Variants in SNX3 observed in about 807,000 individuals in gnomAD.
SNX3 encodes sorting nexin-3.
A neutral mutation model predicts 17.7 loss-of-function variants in SNX3; 5 were observed. The ratio of observed to expected loss-of-function variants is 0.28; its 90% CI spans 0.15 to 0.59. The LOEUF is 0.59. Among genes scored for constraint, SNX3 ranks in the 20% least tolerant of loss-of-function variants. The pLI is 0.88. For synonymous variants in SNX3, 91 were observed against 76.5 expected (o/e 1.19, Z -0.99); for missense variants, 132 against 206.8 (o/e 0.64, Z 2.22).
chr6:108,241,927 C>T (rs1467378954), intron 1 of SNX3, among the ~76,000 whole-genome samples: 1 of 152,048 alleles, frequency 6.6e-6, no homozygotes, highest in Non-Finnish European at 1.5e-5. Context: ...TTAAAGGAAA[C>T]CATGCTTAAA....
chr6:108,211,982 A>C lies in SNX3; in HGVS notation c.*167T>G. On this transcript the variant is annotated 3_prime_UTR_variant, in exon 4 of 4. Transcript: ENST00000230085. ...GGAATGAGGGATTTTTACTAAAGCA[A>C]ATTAACTTCTTGTCAACTGCCAAAA... is the stretch of plus-strand genomic sequence containing the variant. The C allele has an allele frequency of 3.8e-6, 2 of 532,316 alleles. No individual in the cohort carries two copies. Among genetic ancestry groups the C allele is most frequent in the Non-Finnish European group, 6.6e-6 (2 of 303,214 alleles). The allele number at this position is 532,316 out of a possible 1,614,324, so 33.0% of individuals were successfully genotyped here.
chr6:108,223,433 C>T (rs1386041740), intron 1 of SNX3, among the ~76,000 whole-genome samples: 1 of 151,034 alleles, frequency 6.6e-6, no homozygotes, highest in East Asian at 1.9e-4. Flanking sequence ...CCACGGCACC[C>T]GGCCGAAATC....
At chr6:108,252,019 T>G (rs984148933) in intron 1 of SNX3, among the ~76,000 whole-genome samples, 3 of 150,134 alleles carry the variant, frequency 2.0e-5, no homozygotes, top group African/African-American at 7.5e-5. Context: ...AAGCTGAGAC[T>G]GCACTATTGC....
At chr6:108,249,843 T>A (rs892346631) in intron 1 of SNX3, among the ~76,000 whole-genome samples, 1 of 152,230 alleles carries the variant, frequency 6.6e-6, no homozygotes, top group African/African-American at 2.4e-5. Flanking sequence ...TGCAGTGTTA[T>A]ATTTAATGAC....
intron 1 of SNX3, among the ~76,000 whole-genome samples, chr6:108,253,715 CTATGTA>C (rs1775940629): frequency 6.6e-6 from 1 of 152,120 alleles, no homozygotes; most frequent in Non-Finnish European, 1.5e-5. Flanking sequence ...CATTGTGGTT[CTATGTA>C]TATTTCTCTT....
chr6:108,245,170 C>A (rs907619661), intron 1 of SNX3, among the ~76,000 whole-genome samples: 17 of 151,900 alleles, frequency 1.1e-4, no homozygotes, highest in African/African-American at 3.9e-4. Flanking sequence ...TCCATGTGAT[C>A]TCATTGTTCA....
intron 1 of SNX3, among the ~76,000 whole-genome samples, chr6:108,260,437 G>C (rs186969981): frequency 6.6e-6 from 1 of 152,166 alleles, no homozygotes; most frequent in South Asian, 2.1e-4. Flanking sequence ...CCTTCCCAGC[G>C]AAGGGATGTG....
At chr6:108,256,630 C>T (rs954147234) in intron 1 of SNX3, among the ~76,000 whole-genome samples, 1 of 152,142 alleles carries the variant, frequency 6.6e-6, no homozygotes, top group African/African-American at 2.4e-5. Flanking sequence ...GAACTGAGGA[C>T]TATGTCAGAG....
rs572796036 is a variant in SNX3 at position 108,235,679 on chromosome 6, T to A, written c.163-12634A>T. 5.9e-5 allele frequency among the ~76,000 whole-genome samples: 9 copies of A among 152,252 alleles called. No homozygotes were observed. In the East Asian group the frequency reaches 1.7e-3, roughly 29 times the overall value. On this transcript the variant is annotated intron_variant, in intron 1 of 3. Transcript: ENST00000230085. ...GGGATGCCGAGGTGGGTGAATCACTTGAGGTCAGGAGATCACGACTAGCCT... is the reference window on the plus strand; with the variant it reads ...GGGATGCCGAGGTGGGTGAATCACTAGAGGTCAGGAGATCACGACTAGCCT...
At chr6:108,246,838 G>A (rs535432788) in intron 1 of SNX3, among the ~76,000 whole-genome samples, 5 of 152,190 alleles carry the variant, frequency 3.3e-5, no homozygotes, top group African/African-American at 1.2e-4. Context: ...CTCCCAAGTA[G>A]CTAAGACTAC....
chr6:108,254,140 AAAAC>A, intron 1 of SNX3, among the ~76,000 whole-genome samples: 1 of 151,266 alleles, frequency 6.6e-6, no homozygotes, highest in Non-Finnish European at 1.5e-5. Context: ...GAAAAAAAAA[AAAAC>A]CGCCACTGCC....
intron 1 of SNX3, among the ~76,000 whole-genome samples, chr6:108,236,345 T>C (rs1001241410): frequency 2.7e-5 from 4 of 149,440 alleles, no homozygotes; most frequent in Non-Finnish European, 4.4e-5. Flanking sequence ...TATATATATA[T>C]ATAAAACAGT....
At chr6:108,215,349 G>GAAAA (rs1345107306) in intron 2 of SNX3, among the ~76,000 whole-genome samples, 1 of 95,846 alleles carries the variant, frequency 1.0e-5, no homozygotes, top group Admixed American at 1.2e-4. Flanking sequence ...ACTCCGTCTA[G>GAAAA]AAAAAAAAAA....
In SNX3 at chr6:108,250,857, C is replaced by T. The variant is rs116381243; in HGVS notation, c.162+9903G>A. Among the ~76,000 whole-genome samples, 951 of 152,286 alleles carry T rather than the reference C, an allele frequency of 6.2e-3. 13 individuals are homozygous for T. The highest frequency in any genetic ancestry group is 0.022 in the African/African-American group (911 of 41,552). ...CAAAGTTTACAGAACAAATAATTAT[C>T]AAATGACCATTCCAATACTGCTGGA... is the stretch of plus-strand genomic sequence containing the variant. On this transcript the variant is annotated intron_variant, in intron 1 of 3. Transcript: ENST00000230085.
rs899034849 is a variant in SNX3 at position 108,211,534 on chromosome 6, A to G, written c.*615T>C. 1 of 152,676 alleles carries G rather than the reference A, an allele frequency of 6.5e-6. No homozygotes were observed. The highest frequency in any genetic ancestry group is 1.5e-5 in the Non-Finnish European group (1 of 68,062). The allele number at this position is 152,676 out of a possible 1,614,324, so 9.5% of individuals were successfully genotyped here. On this transcript the variant is annotated 3_prime_UTR_variant, in exon 4 of 4. Coordinates refer to ENST00000230085, the MANE Select transcript of SNX3 (RefSeq NM_003795.6). The stretch of plus-strand genomic sequence containing the variant: ...TCAGTGCATATCAGAAATGCATTTT[A>G]ATTTTTATTTGAAAACAACTTAAAT...
intron 2 of SNX3, among the ~76,000 whole-genome samples, chr6:108,216,956 G>T (rs1182734850): frequency 6.6e-6 from 1 of 152,106 alleles, no homozygotes; most frequent in Non-Finnish European, 1.5e-5. Context: ...CTGTTTAGTT[G>T]AGAGTTAAAA....
At chr6:108,239,981 A>G (rs1775468145) in intron 1 of SNX3, among the ~76,000 whole-genome samples, 1 of 152,244 alleles carries the variant, frequency 6.6e-6, no homozygotes, top group Non-Finnish European at 1.5e-5. Context: ...TCTCTTAAAA[A>G]TATGAGAACC....
chr6:108,258,411 T>C (rs538012545), intron 1 of SNX3, among the ~76,000 whole-genome samples: 2 of 146,720 alleles, frequency 1.4e-5, no homozygotes, highest in South Asian at 2.1e-4. Context: ...TGAGCCAAAA[T>C]AGCGCCGCTG....
chr6:108,248,621 C>T (rs751878585), intron 1 of SNX3, among the ~76,000 whole-genome samples: 2 of 152,122 alleles, frequency 1.3e-5, no homozygotes, highest in Non-Finnish European at 2.9e-5. Context: ...TAAACAAAAA[C>T]GCTCTAAAAC....
Sources: gnomAD v4.1 joint callset for allele counts (sites outside exome capture counted in the v4.1 genomes callset) on GRCh38, gnomAD v4.1.1 for gene constraint, MANE v1.5 for transcripts, NCBI Gene and HGNC (gene_info 2026-07-23, HGNC 2026-07-21) for gene names.